LY96: variants seen among roughly 807,000 people sequenced by gnomAD.
LY96 encodes lymphocyte antigen 96, also known as myeloid differentiation protein-2.
In LY96, 18 loss-of-function variants were observed where a neutral mutation model predicts 18.9. The ratio of observed to expected loss-of-function variants is 0.95; its 90% CI spans 0.66 to 1.41. The LOEUF (loss-of-function observed/expected upper bound fraction) is 1.41, where lower values mean the gene tolerates loss of function less well. Ranked by LOEUF, LY96 falls within the 40% of genes most tolerant of loss-of-function variation. The pLI is 0.00. For synonymous variants in LY96, 66 were observed against 62.6 expected (o/e 1.06, Z -0.26); for missense variants, 175 against 182.4 (o/e 0.96, Z 0.23).
chr8:73,997,485 C>A (rs938007844), intron 1 of LY96, among the ~76,000 whole-genome samples: 2 of 152,158 alleles, frequency 1.3e-5, no homozygotes, highest in African/African-American at 4.8e-5. Flanking sequence ...GATAATGTGA[C>A]CCCTCCTGCT....
chr8:73,998,020 C>A (rs1418321112), intron 1 of LY96, among the ~76,000 whole-genome samples: 2 of 152,074 alleles, frequency 1.3e-5, no homozygotes, highest in Non-Finnish European at 2.9e-5. Flanking sequence ...TGTCTGTAGC[C>A]CTTCTCCCCT....
chr8:74,000,840 A>G (rs1212353973), intron 1 of LY96, among the ~76,000 whole-genome samples: 1 of 152,224 alleles, frequency 6.6e-6, no homozygotes, highest in African/African-American at 2.4e-5. Flanking sequence ...TTCTTGCTGC[A>G]TCATCCCATG....
At chr8:74,085,784 G>C in the LY96 span, among the ~76,000 whole-genome samples, 1 of 152,036 alleles carries the variant, frequency 6.6e-6, no homozygotes, top group Non-Finnish European at 1.5e-5. Context: ...AAGTTTGAGA[G>C]GTACAATGTG....
At chr8:74,020,949 C>T (rs988890157) in intron 3 of LY96, among the ~76,000 whole-genome samples, 7 of 152,146 alleles carry the variant, frequency 4.6e-5, no homozygotes, top group Non-Finnish European at 8.8e-5. Flanking sequence ...AAATGTTAGA[C>T]CTAAAACCAT....
At chr8:74,082,163 A>C in the LY96 span, among the ~76,000 whole-genome samples, 1 of 152,216 alleles carries the variant, frequency 6.6e-6, no homozygotes, top group Non-Finnish European at 1.5e-5. Flanking sequence ...GGATCTGGGA[A>C]CAGAGATGAA....
chr8:74,077,519 G>A, the LY96 span, among the ~76,000 whole-genome samples: 4 of 152,108 alleles, frequency 2.6e-5, no homozygotes, highest in African/African-American at 9.7e-5. Context: ...CCAGTAATGT[G>A]ACAGCAATGA....
At chr8:74,017,025 C>T (rs368418251) in intron 3 of LY96, among the ~76,000 whole-genome samples, 26 of 152,138 alleles carry the variant, frequency 1.7e-4, no homozygotes, top group South Asian at 4.1e-4. Context: ...TCGCCAGCAA[C>T]GGAACAAAGC....
the LY96 span, among the ~76,000 whole-genome samples, chr8:74,035,256 G>A: frequency 1.4e-4 from 22 of 151,852 alleles, no homozygotes; most frequent in South Asian, 4.6e-3. Context: ...GCCTGTCCAC[G>A]TCCATTCCCA....
downstream of LY96, among the ~76,000 whole-genome samples, chr8:74,032,551 G>A (rs1816987872): frequency 6.6e-6 from 1 of 152,164 alleles, no homozygotes; most frequent in Non-Finnish European, 1.5e-5. Context: ...CCCCCTTAGA[G>A]TTGTAAGCCC....
downstream of LY96, among the ~76,000 whole-genome samples, chr8:74,033,102 C>G (rs2131290689): frequency 6.6e-6 from 1 of 152,216 alleles, no homozygotes; most frequent in South Asian, 2.1e-4. Flanking sequence ...CCGGCAGAAT[C>G]ATACGACTAT....
chr8:73,992,593 A>G (rs907500695), intron 1 of LY96, among the ~76,000 whole-genome samples: 1 of 152,170 alleles, frequency 6.6e-6, no homozygotes, highest in African/African-American at 2.4e-5. Flanking sequence ...GCTAATATAA[A>G]GTGACTTTCG....
chr8:74,017,575 G>T (rs1215247100), intron 3 of LY96, among the ~76,000 whole-genome samples: 1 of 152,168 alleles, frequency 6.6e-6, no homozygotes, highest in Non-Finnish European at 1.5e-5. Context: ...TCCTCGAGAA[G>T]AGCAACCCCA....
the LY96 span, among the ~76,000 whole-genome samples, chr8:74,082,662 A>G: frequency 6.6e-6 from 1 of 152,222 alleles, no homozygotes; most frequent in Non-Finnish European, 1.5e-5. Flanking sequence ...TTTATTTGAT[A>G]TAAGTTTTAT....
the LY96 span, among the ~76,000 whole-genome samples, chr8:74,060,157 AACGACG>A: frequency 1.4e-4 from 22 of 152,012 alleles, no homozygotes; most frequent in African/African-American, 2.4e-4. Context: ...AAACAACAAC[AACGACG>A]ACGACGACGA....
At chr8:74,070,240 T>C in the LY96 span, among the ~76,000 whole-genome samples, 5 of 152,180 alleles carry the variant, frequency 3.3e-5, no homozygotes, top group East Asian at 1.9e-4. Flanking sequence ...TACAGGCGCC[T>C]GCAACCACGC....
intron 2 of LY96, among the ~76,000 whole-genome samples, chr8:74,006,509 C>T (rs118139142): frequency 6.6e-6 from 1 of 152,150 alleles, no homozygotes; most frequent in Non-Finnish European, 1.5e-5. Flanking sequence ...ATAAGACATT[C>T]TCCTGATCTT....
downstream of LY96, among the ~76,000 whole-genome samples, chr8:74,030,427 C>T (rs368469879): frequency 2.2e-4 from 33 of 152,166 alleles, no homozygotes; most frequent in African/African-American, 7.2e-4. Flanking sequence ...GCAGGAGAAT[C>T]GCTTGAACCC....
At chr8:73,996,369 ATTCCTTTCTTTCTTTCTTTC>A (rs1816134101) in intron 1 of LY96, among the ~76,000 whole-genome samples, 4 of 53,698 alleles carry the variant, frequency 7.4e-5, no homozygotes, top group Non-Finnish European at 1.1e-4. Flanking sequence ...TCCTTCCTTC[ATTCCTTTCTTTCTTTCTTTC>A]TTTCTTTCTT....
At chr8:74,087,553 T>C in the LY96 span, among the ~76,000 whole-genome samples, 1 of 152,196 alleles carries the variant, frequency 6.6e-6, no homozygotes, top group African/African-American at 2.4e-5. Context: ...TGGTCTACAC[T>C]TGGAGAGTGT....
Sources: allele counts gnomAD v4.1 joint callset (sites outside exome capture counted in the v4.1 genomes callset), GRCh38; gene constraint gnomAD v4.1.1; transcripts MANE v1.5; gene names NCBI Gene and HGNC (gene_info 2026-07-23, HGNC 2026-07-21).